RALGPS1: variants seen among roughly 807,000 people sequenced by gnomAD.
RALGPS1 encodes the protein ras-specific guanine nucleotide-releasing factor RalGPS1.
A neutral mutation model predicts 78.8 loss-of-function variants in RALGPS1; 19 were observed. The observed-to-expected ratio is 0.24, with a 90% CI of 0.17 to 0.35. The LOEUF is 0.35. RALGPS1 is among the 10% of genes least tolerant of loss of function. The pLI is 1.00. For missense variants in RALGPS1, 454 were observed against 688.3 expected, an observed-to-expected ratio of 0.66 and a Z score of 3.81; for synonymous variants, 228 against 256.3, an observed-to-expected ratio of 0.89 and a Z score of 1.06.
intron 8 of RALGPS1, among the ~76,000 whole-genome samples, chr9:127,162,078 A>G (rs1378169561): frequency 2.0e-5 from 3 of 151,850 alleles, no homozygotes; most frequent in Non-Finnish European, 2.9e-5. Flanking sequence ...CGAGGGTAAC[A>G]TGTGCTTCAT....
chr9:127,124,859 T>A (rs2056491381), intron 8 of RALGPS1, among the ~76,000 whole-genome samples: 1 of 152,220 alleles, frequency 6.6e-6, no homozygotes, highest in Admixed American at 6.5e-5. Flanking sequence ...GTCCTAGGAC[T>A]TTCCCACCCT....
In RALGPS1 at chr9:127,118,750, A is replaced by G. The variant is rs115140337; in HGVS notation, c.611-47319A>G. Among the ~76,000 whole-genome samples, 717 of 152,346 alleles carry G rather than the reference A, an allele frequency of 4.7e-3. 7 individuals are homozygous for G. The highest frequency in any genetic ancestry group is 0.016 in the African/African-American group (686 of 41,576). ...TGCTGGGCTGTGGGCTCTATGAAGCAGAGCCCCTCCCCCATCTGCCTGCTG... is the reference window on the plus strand; with the variant it reads ...TGCTGGGCTGTGGGCTCTATGAAGCGGAGCCCCTCCCCCATCTGCCTGCTG... On this transcript the variant is annotated intron_variant, in intron 8 of 18. Transcript: ENST00000259351.
At position 126,989,095 on chromosome 9, in the gene RALGPS1, A is replaced by G. The variant is rs548329833; in HGVS notation, c.216+11350A>G. ...CATCATCATCATCAGCATCATCATC[A>G]TCATCATCATCATCGCTGAAGGACC... On this transcript the variant is annotated intron_variant, in intron 4 of 18. Coordinates refer to ENST00000259351, the MANE Select transcript of RALGPS1 (RefSeq NM_014636.3). 8.8e-4 allele frequency among the ~76,000 whole-genome samples: 134 copies of G among 152,208 alleles called. 2 individuals carry two copies. Among genetic ancestry groups the G allele is most frequent in the African/African-American group, 3.2e-3 (132 of 41,516 alleles).
intron 1 of RALGPS1, among the ~76,000 whole-genome samples, chr9:126,960,320 G>A (rs1336800677): frequency 1.3e-5 from 2 of 148,728 alleles, no homozygotes; most frequent in Non-Finnish European, 3.0e-5. Context: ...TGCAACCTCC[G>A]CCTCCCGGGT....
chr9:126,918,843 TGTATTTTTA>T (rs1215777149), intron 1 of RALGPS1, among the ~76,000 whole-genome samples: 3 of 151,998 alleles, frequency 2.0e-5, no homozygotes, highest in Admixed American at 2.0e-4. Flanking sequence ...TGGCTAATTT[TGTATTTTTA>T]GTAGAGGGGG....
Position 127,091,390 on chromosome 9 carries a change from C to G in RALGPS1, c.610+22034C>G, listed in dbSNP as rs1237866730. Among the ~76,000 whole-genome samples the G allele has an allele frequency of 6.6e-6, 1 of 152,236 alleles. No homozygotes were observed. Among genetic ancestry groups the G allele is most frequent in the Non-Finnish European group, 1.5e-5 (1 of 68,044 alleles). On this transcript the variant is annotated intron_variant, in intron 8 of 18. Transcript: ENST00000259351. The surrounding 1 kb of genome is among the most constrained non-coding windows in gnomAD (Gnocchi z 4.3). Reference sequence around the variant, plus strand: ...CAACACATGTCTTTCTGCATTGGCCCCAGCTGGCCCTGGTACGTGTGATTT... The same window carrying G: ...CAACACATGTCTTTCTGCATTGGCCGCAGCTGGCCCTGGTACGTGTGATTT...
intron 3 of RALGPS1, among the ~76,000 whole-genome samples, chr9:126,976,762 C>T (rs982045319): frequency 1.3e-5 from 2 of 152,186 alleles, no homozygotes; most frequent in African/African-American, 4.8e-5. Context: ...CTTCAGCTCT[C>T]CTCTCCCTGG....
Position 127,168,868 on chromosome 9 carries a change from G to C in RALGPS1, c.842+96G>C, listed in dbSNP as rs1002516305. ...AGTGGCCTAGCCCTTGTTGGGACCA[G>C]TGAGTAGCCACCTGCAGGGCTTATC... On this transcript the variant is annotated intron_variant, in intron 10 of 18. Transcript: ENST00000259351. The C allele has an allele frequency of 4.2e-6, 4 of 958,658 alleles. No homozygotes were observed. In the African/African-American group the frequency reaches 6.5e-5, roughly 15 times the overall value. The allele number at this position is 958,658 out of a possible 1,614,324, so 59.4% of individuals were successfully genotyped here.
intron 4 of RALGPS1, 92 bp downstream of exon 4, chr9:126,977,837 T>C: frequency 1.1e-6 from 1 of 870,788 alleles, no homozygotes; most frequent in Non-Finnish European, 1.8e-6. Flanking sequence ...AGTTTCTCTC[T>C]TGCAGGCTCT....
At chr9:127,044,239 A>G (rs766932204) in intron 5 of RALGPS1, among the ~76,000 whole-genome samples, 10 of 152,146 alleles carry the variant, frequency 6.6e-5, no homozygotes, top group Non-Finnish European at 1.0e-4. Flanking sequence ...AAGTCATATA[A>G]AGACATGGAT....
chr9:127,033,396 G>A (rs2046591448), intron 4 of RALGPS1, among the ~76,000 whole-genome samples: 1 of 152,102 alleles, frequency 6.6e-6, no homozygotes, highest in Non-Finnish European at 1.5e-5. Context: ...GGCCAGTTTT[G>A]TCCTGGGCTG....
At chr9:127,185,955 G>A (rs1311623742) in intron 11 of RALGPS1, among the ~76,000 whole-genome samples, 1 of 152,174 alleles carries the variant, frequency 6.6e-6, no homozygotes, top group Admixed American at 6.5e-5. Flanking sequence ...AGAGGTGTGA[G>A]GTGACCTACT....
chr9:126,970,940 A>C (rs571667344), intron 3 of RALGPS1, among the ~76,000 whole-genome samples: 1 of 152,350 alleles, frequency 6.6e-6, no homozygotes, highest in East Asian at 1.9e-4. Context: ...TTAAGATCAC[A>C]CATGAAGAAC....
At chr9:126,922,360 A>G (rs2034851796) in intron 1 of RALGPS1, among the ~76,000 whole-genome samples, 1 of 152,234 alleles carries the variant, frequency 6.6e-6, no homozygotes, top group Non-Finnish European at 1.5e-5. Context: ...AGATGAAAGG[A>G]AGAATAGGGA....
In RALGPS1 at chr9:126,958,142, A is replaced by AAAAAAAAAAAT. The variant is rs113413659; in HGVS notation, c.-65-4082_-65-4081insAAAAAAAAATA. Among the ~76,000 whole-genome samples, 384 of 76,804 alleles carry AAAAAAAAAAAT rather than the reference A, an allele frequency of 5.0e-3. 8 individuals carry two copies. Among genetic ancestry groups the AAAAAAAAAAAT allele is most frequent in the Non-Finnish European group, 8.1e-3 (291 of 36,098 alleles). 50.4% of individuals were successfully genotyped at this position (76,804 alleles called of 152,430 possible). A position where few individuals can be genotyped will look rare whatever the true frequency, so the allele number is the denominator to read the frequency against. ...CTGTCTCTTTAAAAAAAAAAAAAAA[A>AAAAAAAAAAAT]ATATATATATATATATACACACACA... On this transcript the variant is annotated intron_variant, in intron 1 of 18. Coordinates refer to ENST00000259351, the MANE Select transcript of RALGPS1 (RefSeq NM_014636.3).
At chr9:126,919,293 C>G (rs930652950) in intron 1 of RALGPS1, among the ~76,000 whole-genome samples, 1 of 152,112 alleles carries the variant, frequency 6.6e-6, no homozygotes. Flanking sequence ...GATGTTTACT[C>G]AGTATTGGTT....
intron 11 of RALGPS1, among the ~76,000 whole-genome samples, chr9:127,192,870 G>C (rs1465221988): frequency 3.3e-5 from 5 of 152,188 alleles, no homozygotes; most frequent in Non-Finnish European, 7.3e-5. Context: ...TGCCTGCCAA[G>C]GAAGGAGGGC....
chr9:126,986,756 C>T (rs2041839476), intron 4 of RALGPS1, among the ~76,000 whole-genome samples: 1 of 152,210 alleles, frequency 6.6e-6, no homozygotes, highest in Admixed American at 6.5e-5. Flanking sequence ...CAGAGCTGAG[C>T]TGCTGGGTCT....
At chr9:127,076,423 A>G (rs1161548715) in intron 8 of RALGPS1, among the ~76,000 whole-genome samples, 1 of 152,254 alleles carries the variant, frequency 6.6e-6, no homozygotes, top group Non-Finnish European at 1.5e-5. Flanking sequence ...TAGTAAGAAA[A>G]CATTTGGAGA....
Sources: allele counts gnomAD v4.1 joint callset (sites outside exome capture counted in the v4.1 genomes callset), GRCh38; gene constraint gnomAD v4.1.1; non-coding constraint Gnocchi (gnomAD v3.1); transcripts MANE v1.5; gene names NCBI Gene and HGNC (gene_info 2026-07-23, HGNC 2026-07-21).